Variants in CHM observed in about 807,000 individuals in gnomAD.
CHM encodes the protein rab proteins geranylgeranyltransferase component A 1.
A neutral mutation model predicts 49.0 loss-of-function variants in CHM; 10 were observed. The ratio of observed to expected loss-of-function variants is 0.20; its 90% confidence interval spans 0.13 to 0.35. The LOEUF is 0.35. Ranked by LOEUF, CHM falls within the 10% of genes least tolerant of loss-of-function variation. CHM has a pLI of 1.00. For missense variants in CHM, 455 were observed against 478.4 expected, an observed-to-expected ratio of 0.95 and a Z score of 0.46; for synonymous variants, 184 against 167.5, an observed-to-expected ratio of 1.10 and a Z score of -0.76.
intron 9 of CHM, among the ~76,000 whole-genome samples, chrX:85,902,810 T>C (rs1926363762): frequency 8.9e-6 from 1 of 111,922 alleles, no homozygotes; most frequent in African/African-American, 3.2e-5. Flanking sequence ...TAAACATCAA[T>C]CTCTATTTGT....
intron 1 of CHM, among the ~76,000 whole-genome samples, chrX:86,036,306 G>A (rs772010878): frequency 2.7e-5 from 3 of 110,971 alleles, no homozygotes; most frequent in Non-Finnish European, 5.7e-5. Flanking sequence ...CAAAGCTGGT[G>A]GGGGGGGAAG....
intron 11 of CHM, among the ~76,000 whole-genome samples, chrX:85,894,935 C>CTA (rs1203949425): frequency 5.4e-5 from 6 of 110,923 alleles, no homozygotes; most frequent in East Asian, 5.6e-4. Flanking sequence ...AGCAGTCAAA[C>CTA]TATATATATA....
rs114291663 is a variant in CHM at position 85,907,653 on chromosome X, T to A, written c.1244+3608A>T. Among the ~76,000 whole-genome samples, 768 of 112,023 alleles carry A rather than the reference T, an allele frequency of 6.9e-3. 4 individuals are homozygous for A. The highest frequency in any genetic ancestry group is 0.023 in the African/African-American group (706 of 30,868). On this transcript the variant is annotated intron_variant, in intron 9 of 14. Coordinates refer to ENST00000357749, the MANE Select transcript of CHM (RefSeq NM_000390.4). ...ATATTCCATATACCATGATTTAGTG[T>A]GCCTCCTCAATGCCCTATTTCTTCG...
At chrX:85,878,308 C>T (rs962782673) in intron 13 of CHM, among the ~76,000 whole-genome samples, 66 of 110,978 alleles carry the variant, frequency 5.9e-4, no homozygotes, top group African/African-American at 1.9e-3. Context: ...AGGAAAACCC[C>T]GTCTCTATTA....
Position 85,862,772 on chromosome X carries a change from T to C in CHM, c.*1858A>G. The C allele has an allele frequency of 9.0e-6, 1 of 111,335 alleles. No homozygotes were observed. 9.2% of individuals were successfully genotyped at this position (111,335 alleles called of 1,213,427 possible). Reference sequence around the variant, plus strand: ...AGGCAAGAGCTATATTCCTTGGTTCTTTCCATTTCCCATGAATCTGTGACC... The same window carrying C: ...AGGCAAGAGCTATATTCCTTGGTTCCTTCCATTTCCCATGAATCTGTGACC... On this transcript the variant is annotated 3_prime_UTR_variant, in exon 15 of 15. Transcript: ENST00000357749.
At chrX:85,939,072 C>T (rs1453820186) in intron 8 of CHM, among the ~76,000 whole-genome samples, 1 of 111,995 alleles carries the variant, frequency 8.9e-6, no homozygotes, top group Non-Finnish European at 1.9e-5. Context: ...GTATTCAGTG[C>T]AGTCACACGC....
chrX:85,965,073 C>T (rs1235507596), intron 4 of CHM, among the ~76,000 whole-genome samples: 1 of 112,197 alleles, frequency 8.9e-6, no homozygotes, highest in Admixed American at 9.4e-5. Context: ...TCCTTATTTA[C>T]TAATCTTCTG....
chrX:85,932,632 C>A (rs1928503463), intron 8 of CHM, among the ~76,000 whole-genome samples: 1 of 111,917 alleles, frequency 8.9e-6, no homozygotes, highest in Non-Finnish European at 1.9e-5. Flanking sequence ...GTTTGCAGAC[C>A]TTAAAGAGCC....
intron 2 of CHM, among the ~76,000 whole-genome samples, chrX:85,986,041 C>T (rs950694601): frequency 9.0e-6 from 1 of 111,108 alleles, no homozygotes; most frequent in Non-Finnish European, 1.9e-5. Context: ...AACGAAGAAG[C>T]AAAGACCCTA....
rs147826568 is a variant in CHM at position 86,025,726 on chromosome X, GA to G, written c.116+1764del. ...AGAAAAAGAAAAAGGAAAAGAAAAAGAAAAAAAAAACACATACCTACACACA... is the reference window on the plus strand; with the variant it reads ...AGAAAAAGAAAAAGGAAAAGAAAAAGAAAAAAAAACACATACCTACACACA... On this transcript the variant is annotated intron_variant, in intron 2 of 14. Coordinates refer to ENST00000357749, the MANE Select transcript of CHM (RefSeq NM_000390.4). Among the ~76,000 whole-genome samples, 45 of 98,209 alleles carry G rather than the reference GA, an allele frequency of 4.6e-4. No homozygotes were observed. The Middle Eastern group carries it at 0.016, about 34-fold the overall frequency. 85.3% of individuals were successfully genotyped at this position (98,209 alleles called of 115,157 possible). A position where few individuals can be genotyped will look rare whatever the true frequency, so the allele number is the denominator to read the frequency against.
chrX:85,901,856 A>G (rs772057026), intron 9 of CHM, among the ~76,000 whole-genome samples: 1 of 112,043 alleles, frequency 8.9e-6, no homozygotes, highest in African/African-American at 3.2e-5. Context: ...GTCATCTGAT[A>G]TGTGTTGGAA....
chrX:86,036,307 G>T (rs141824109), intron 1 of CHM, among the ~76,000 whole-genome samples: 2 of 111,261 alleles, frequency 1.8e-5, no homozygotes, highest in East Asian at 5.7e-4. Context: ...AAAGCTGGTG[G>T]GGGGGGAAGT....
rs1378333758 is a variant in CHM, at chrX:85,933,086, T to G, written c.1167-21748A>C. 3.6e-5 allele frequency among the ~76,000 whole-genome samples: 4 copies of G among 111,151 alleles called. 1 individual carries two copies. The highest frequency in any genetic ancestry group is 6.6e-5 in the African/African-American group (2 of 30,533). Reference sequence around the variant, plus strand: ...AAAGCCAGGCACAGTGGTGTGCTTGTAGTCCCAGTTACTTGGGAGGCTAAG... The same window carrying G: ...AAAGCCAGGCACAGTGGTGTGCTTGGAGTCCCAGTTACTTGGGAGGCTAAG... On this transcript the variant is annotated intron_variant, in intron 8 of 14. Coordinates refer to ENST00000357749, the MANE Select transcript of CHM (RefSeq NM_000390.4).
intron 12 of CHM, among the ~76,000 whole-genome samples, chrX:85,892,562 C>T (rs1042061862): frequency 1.8e-5 from 2 of 111,256 alleles, no homozygotes; most frequent in African/African-American, 3.3e-5. Context: ...TGAGACCTCC[C>T]TAGCCATGTG....
At chrX:85,880,818 T>C (rs1924715182) in intron 12 of CHM, among the ~76,000 whole-genome samples, 1 of 111,505 alleles carries the variant, frequency 9.0e-6, no homozygotes, top group Non-Finnish European at 1.9e-5. Flanking sequence ...AGAGGCTACA[T>C]TGTTAATTGA....
In CHM at chrX:85,862,947, CAAAT is replaced by C. The variant is rs1207102823; in HGVS notation, c.*1679_*1682del. 9.0e-6 allele frequency: 1 copy of C among 111,213 alleles called. No individual in the cohort carries two copies. The highest frequency in any genetic ancestry group is 3.3e-5 in the African/African-American group (1 of 30,444). 9.2% of individuals were successfully genotyped at this position (111,213 alleles called of 1,213,427 possible). A position where few individuals can be genotyped will look rare whatever the true frequency, so the allele number is the denominator to read the frequency against. The stretch of plus-strand genomic sequence containing the variant: ...GGCCAGATGTTGTGAGAAAAAAAAA[CAAAT>C]AGTTCATTTGTTTGTTTATTTATAG... On this transcript the variant is annotated 3_prime_UTR_variant, in exon 15 of 15. Transcript: ENST00000357749.
intron 1 of CHM, among the ~76,000 whole-genome samples, chrX:86,046,736 G>A (rs1934663181): frequency 1.8e-5 from 2 of 111,877 alleles, no homozygotes; most frequent in Admixed American, 1.9e-4. Flanking sequence ...AAACTGCAGA[G>A]GAGTTTCTGG....
chrX:85,992,835 A>G (rs1932269095), intron 2 of CHM, among the ~76,000 whole-genome samples: 1 of 112,467 alleles, frequency 8.9e-6, no homozygotes, highest in Non-Finnish European at 1.9e-5. Context: ...TGGCAATCAG[A>G]TCAGCCTGCC....
chrX:85,889,914 C>T (rs1305312863), intron 12 of CHM, among the ~76,000 whole-genome samples: 2 of 111,658 alleles, frequency 1.8e-5, no homozygotes, highest in Non-Finnish European at 3.8e-5. Flanking sequence ...ATGGATGCAG[C>T]TGGAGGCCAT....
Sources: gnomAD v4.1 joint callset for allele counts (sites outside exome capture counted in the v4.1 genomes callset) on GRCh38, gnomAD v4.1.1 for gene constraint, MANE v1.5 for transcripts, NCBI Gene and HGNC (gene_info 2026-07-23, HGNC 2026-07-21) for gene names.